Variants in RYR3 observed in about 807,000 individuals in gnomAD.
RYR3 encodes brain ryanodine receptor-calcium release channel.
RYR3 carries 207 observed loss-of-function variants against 584.3 expected under a neutral mutation model. The ratio of observed to expected loss-of-function variants is 0.35; its 90% CI spans 0.32 to 0.40. The LOEUF (loss-of-function observed/expected upper bound fraction) is 0.40, where lower values mean the gene tolerates loss of function less well. RYR3 is among the 10% of genes least tolerant of loss of function. The pLI, the probability that RYR3 is intolerant of heterozygous loss-of-function variation, is 1.00. For synonymous variants in RYR3, 2,416 were observed against 2,248.5 expected, an observed-to-expected ratio of 1.07 and a Z score of -2.11; for missense variants, 5,616 against 6,089.2, an observed-to-expected ratio of 0.92 and a Z score of 2.59.
At chr15:33,450,573 C>T (rs1424027785) in intron 1 of RYR3, among the ~76,000 whole-genome samples, 5 of 151,790 alleles carry the variant, frequency 3.3e-5, no homozygotes, top group Non-Finnish European at 7.4e-5. Context: ...GAGCTCCTTG[C>T]ACCCTCTGTT....
In RYR3 at chr15:33,724,677, GAACT is replaced by G. The variant is rs1229165385; in HGVS notation, c.6912+503_6912+506del. Among the ~76,000 whole-genome samples the G allele has an allele frequency of 3.9e-5, 6 of 152,268 alleles. No homozygotes were observed. The South Asian group carries it at 1.2e-3, about 32-fold the overall frequency. On this transcript the variant is annotated intron_variant, in intron 45 of 103. Coordinates refer to ENST00000634891, the MANE Select transcript of RYR3 (RefSeq NM_001036.6). ...GATGTCTTCTCAGACTTCTAGTTTT[GAACT>G]AGAAAGTATGTTCTTTTCTTTTTTC...
intron 1 of RYR3, among the ~76,000 whole-genome samples, chr15:33,345,577 C>T (rs927934659): frequency 6.6e-6 from 1 of 152,044 alleles, no homozygotes; most frequent in Non-Finnish European, 1.5e-5. Context: ...CTAGACCAGC[C>T]ACAAGACTAA....
chr15:33,402,043 T>C (rs2042709962), intron 1 of RYR3, among the ~76,000 whole-genome samples: 1 of 152,188 alleles, frequency 6.6e-6, no homozygotes, highest in South Asian at 2.1e-4. Context: ...AAATAATAGA[T>C]GGAGAAGCCA....
chr15:33,409,517 C>T (rs1216476949), intron 1 of RYR3, among the ~76,000 whole-genome samples: 1 of 152,172 alleles, frequency 6.6e-6, no homozygotes, highest in Non-Finnish European at 1.5e-5. Context: ...TGGGTTTCTC[C>T]TCCCTGTGCC....
intron 27 of RYR3, among the ~76,000 whole-genome samples, chr15:33,640,212 G>A (rs967832986): frequency 6.6e-6 from 1 of 152,210 alleles, no homozygotes; most frequent in Non-Finnish European, 1.5e-5. Flanking sequence ...ACTGCCATCT[G>A]CAGGCACACA....
At chr15:33,512,889 G>A (rs1044989516) in intron 3 of RYR3, among the ~76,000 whole-genome samples, 1 of 152,160 alleles carries the variant, frequency 6.6e-6, no homozygotes, top group African/African-American at 2.4e-5. Flanking sequence ...ACAATCTGTA[G>A]GTAAACAGTT....
chr15:33,516,719 G>C (rs1288283858), intron 3 of RYR3, among the ~76,000 whole-genome samples: 1 of 151,886 alleles, frequency 6.6e-6, no homozygotes, highest in African/African-American at 2.4e-5. Context: ...AATCTCAGTG[G>C]GCTTCAGAGA....
intron 81 of RYR3, 94 bp from the exon 82 acceptor site, chr15:33,825,509 C>A: frequency 1.3e-6 from 1 of 753,694 alleles, no homozygotes; most frequent in Non-Finnish European, 2.3e-6. Flanking sequence ...AACACAGGGG[C>A]AGGATATGCT....
intron 31 of RYR3, among the ~76,000 whole-genome samples, chr15:33,649,757 G>A (rs879639347): frequency 9.2e-5 from 14 of 152,194 alleles, no homozygotes; most frequent in Non-Finnish European, 1.3e-4. Context: ...GGGCAAGCGC[G>A]TTCTAGGCAT....
chr15:33,519,327 A>G, intron 3 of RYR3, among the ~76,000 whole-genome samples: 1 of 152,354 alleles, frequency 6.6e-6, no homozygotes, highest in African/African-American at 2.4e-5. Context: ...AGAGAGAAGC[A>G]GAGAGAGTCA....
chr15:33,425,988 CCTACATTGTTTGTA>C (rs2044628700), intron 1 of RYR3, among the ~76,000 whole-genome samples: 1 of 152,028 alleles, frequency 6.6e-6, no homozygotes, highest in South Asian at 2.1e-4. Flanking sequence ...CTGATATGTT[CCTACATTGTTTGTA>C]ATTGAGCTCC....
chr15:33,735,080 T>C (rs1488078332), intron 48 of RYR3, among the ~76,000 whole-genome samples: 3 of 152,220 alleles, frequency 2.0e-5, no homozygotes, highest in Non-Finnish European at 1.5e-5. Context: ...TCACTTGAGC[T>C]CTAGATGTAG....
intron 26 of RYR3, 25 bp from the exon 27 acceptor site, chr15:33,636,351 T>C: frequency 6.2e-7 from 1 of 1,610,348 alleles, no homozygotes; most frequent in Non-Finnish European, 8.5e-7. Flanking sequence ...TCCATTTCTC[T>C]AAGCCCTAGA....
At chr15:33,638,874 G>C (rs79547771) in intron 27 of RYR3, among the ~76,000 whole-genome samples, 1 of 6,800 alleles carries the variant, frequency 1.5e-4, no homozygotes, top group Non-Finnish European at 6.0e-4. Flanking sequence ...AGTCCTGACA[G>C]GGGATGTAAC....
chr15:33,726,631 G>A (rs2068483792), intron 46 of RYR3, 125 bp downstream of exon 46: 1 of 996,716 alleles, frequency 1.0e-6, no homozygotes, highest in East Asian at 2.9e-5. Context: ...CAGGGCAAGT[G>A]TCTCACTCTT....
chr15:33,716,561 CA>C (rs1243053849), intron 43 of RYR3, among the ~76,000 whole-genome samples: 2 of 151,730 alleles, frequency 1.3e-5, no homozygotes, highest in African/African-American at 4.8e-5. Flanking sequence ...AAAACAGTAC[CA>C]GTAATAGAAA....
At position 33,365,788 on chromosome 15, in the gene RYR3, G is replaced by A. The variant is rs115804561; in HGVS notation, c.51+54692G>A. Among the ~76,000 whole-genome samples, 389 of 152,272 alleles carry A rather than the reference G, an allele frequency of 2.6e-3. 4 individuals carry two copies. Among genetic ancestry groups the A allele is most frequent in the African/African-American group, 9.1e-3 (377 of 41,554 alleles). ...ATATGTCTGTGGCCTTGGTGGTGGT[G>A]ATGGCTTCACTGATGTACACTTAGA... On this transcript the variant is annotated intron_variant, in intron 1 of 103. Transcript: ENST00000634891.
chr15:33,384,471 A>T (rs2041429206), intron 1 of RYR3, among the ~76,000 whole-genome samples: 1 of 116,274 alleles, frequency 8.6e-6, no homozygotes, highest in Non-Finnish European at 1.8e-5. Context: ...TTATATTATA[A>T]TATTATATTT....
In RYR3 at chr15:33,740,113, T is replaced by C. The variant is rs977892589; in HGVS notation, c.7820+118T>C. 6.1e-6 allele frequency: 5 copies of C among 815,868 alleles called. No homozygotes were observed. The African/African-American group carries it at 8.6e-5, about 14-fold the overall frequency. The allele number at this position is 815,868 out of a possible 1,614,324, so 50.5% of individuals were successfully genotyped here. A position where few individuals can be genotyped will look rare whatever the true frequency, so the allele number is the denominator to read the frequency against. The stretch of plus-strand genomic sequence containing the variant: ...CTTTCCCTCCTGCCAACACTGTTCA[T>C]CATTTCTCTTGATGTGTCAAGTCCC... On this transcript the variant is annotated intron_variant, in intron 51 of 103. Coordinates refer to ENST00000634891, the MANE Select transcript of RYR3 (RefSeq NM_001036.6).
Sources: gnomAD v4.1 joint callset for allele counts (sites outside exome capture counted in the v4.1 genomes callset) on GRCh38, gnomAD v4.1.1 for gene constraint, MANE v1.5 for transcripts, NCBI Gene and HGNC (gene_info 2026-07-23, HGNC 2026-07-21) for gene names.